The following FHOD3 variants were observed in gnomAD, a reference collection of about 807,000 sequenced individuals.
FHOD3 encodes FH1/FH2 domain-containing protein 3.
In FHOD3, 90 loss-of-function variants were observed where a neutral mutation model predicts 173.0. The ratio of observed to expected loss-of-function variants is 0.52; its 90% CI spans 0.44 to 0.62. The LOEUF (loss-of-function observed/expected upper bound fraction) is 0.62. FHOD3 is among the 20% of genes least tolerant of loss of function. FHOD3 has a pLI of 0.00. For synonymous variants in FHOD3, 828 were observed against 823.0 expected, an observed-to-expected ratio of 1.01 and a Z score of -0.10; for missense variants, 1,945 against 2,034.7, an observed-to-expected ratio of 0.96 and a Z score of 0.85.
At chr18:36,488,774 T>C (rs1166207228) in intron 3 of FHOD3, among the ~76,000 whole-genome samples, 2 of 152,190 alleles carry the variant, frequency 1.3e-5, no homozygotes, top group Admixed American at 6.5e-5. Context: ...AATGCAAATA[T>C]GGATTTAGGA....
At chr18:36,664,543 G>A (rs183801995) in intron 14 of FHOD3, among the ~76,000 whole-genome samples, 13 of 152,244 alleles carry the variant, frequency 8.5e-5, no homozygotes, top group African/African-American at 3.1e-4. Context: ...GCTAATGGTA[G>A]GTTCACAAAG....
chr18:36,340,123 G>A (rs2045537906), intron 1 of FHOD3, among the ~76,000 whole-genome samples: 1 of 152,042 alleles, frequency 6.6e-6, no homozygotes, highest in African/African-American at 2.4e-5. Flanking sequence ...TGAACAACAG[G>A]GATTTTTAAA....
At chr18:36,777,006 G>A (rs1041925300) in intron 28 of FHOD3, among the ~76,000 whole-genome samples, 42 of 152,116 alleles carry the variant, frequency 2.8e-4, no homozygotes, top group Non-Finnish European at 5.0e-4. Context: ...AAGCAAATGT[G>A]CAAACAGAAT....
intron 3 of FHOD3, among the ~76,000 whole-genome samples, chr18:36,456,862 G>A (rs932616529): frequency 6.6e-6 from 1 of 152,130 alleles, no homozygotes; most frequent in Non-Finnish European, 1.5e-5. Flanking sequence ...GCCATTTAGT[G>A]CTGACTAAGT....
At chr18:36,631,283 G>A in intron 10 of FHOD3, among the ~76,000 whole-genome samples, 1 of 152,204 alleles carries the variant, frequency 6.6e-6, no homozygotes, top group East Asian at 1.9e-4. Flanking sequence ...GTGGTCTTGG[G>A]CATAGGATGT....
Position 36,708,171 on chromosome 18 carries a change from A to G in FHOD3, c.2237-924A>G, listed in dbSNP as rs915044393. 1.3e-5 allele frequency among the ~76,000 whole-genome samples: 2 copies of G among 152,194 alleles called. 1 individual carries two copies. Among genetic ancestry groups the G allele is most frequent in the African/African-American group, 4.8e-5 (2 of 41,452 alleles). ...ACACGAGTGAGAACATGATCATCTTACCTCAGTGACAGCATCAAATCTCCA... is the reference window on the plus strand; with the variant it reads ...ACACGAGTGAGAACATGATCATCTTGCCTCAGTGACAGCATCAAATCTCCA... On this transcript the variant is annotated intron_variant, in intron 17 of 28. Coordinates refer to ENST00000590592, the MANE Select transcript of FHOD3 (RefSeq NM_001281740.3).
At chr18:36,580,699 G>A (rs2058819211) in intron 6 of FHOD3, among the ~76,000 whole-genome samples, 1 of 152,218 alleles carries the variant, frequency 6.6e-6, no homozygotes. Flanking sequence ...ATGAGAAATT[G>A]AAAAGAACAA....
At position 36,447,799 on chromosome 18, in the gene FHOD3, G is replaced by C. The variant is rs2051584042; in HGVS notation, c.338-54133G>C. Reference sequence around the variant, plus strand: ...TATCATGTAATTGTTAACATTAATAGTGTAGCGACCTGGAAAAGGGCTGTT... The same window carrying C: ...TATCATGTAATTGTTAACATTAATACTGTAGCGACCTGGAAAAGGGCTGTT... On this transcript the variant is annotated intron_variant, in intron 3 of 28. Coordinates refer to ENST00000590592, the MANE Select transcript of FHOD3 (RefSeq NM_001281740.3). Among the ~76,000 whole-genome samples the C allele has an allele frequency of 3.3e-5, 5 of 152,196 alleles. No individual in the cohort carries two copies. The South Asian group carries it at 1.0e-3, about 32-fold the overall frequency.
intron 6 of FHOD3, among the ~76,000 whole-genome samples, chr18:36,592,381 C>CA: frequency 6.6e-6 from 1 of 152,316 alleles, no homozygotes; most frequent in Non-Finnish European, 1.5e-5. Flanking sequence ...AAGGAATAAC[C>CA]AGTGAGAAGA....
At chr18:36,466,536 G>C (rs1248885641) in intron 3 of FHOD3, among the ~76,000 whole-genome samples, 1 of 152,142 alleles carries the variant, frequency 6.6e-6, no homozygotes, top group Non-Finnish European at 1.5e-5. Flanking sequence ...TAAATGGGGG[G>C]AATATCTTGA....
At chr18:36,593,134 A>G (rs181194125) in intron 6 of FHOD3, among the ~76,000 whole-genome samples, 2 of 152,304 alleles carry the variant, frequency 1.3e-5, no homozygotes, top group East Asian at 1.9e-4. Flanking sequence ...TTTTGGAGAG[A>G]GCAGTTAGTT....
intron 3 of FHOD3, among the ~76,000 whole-genome samples, chr18:36,409,009 G>T (rs780860542): frequency 6.6e-6 from 1 of 152,158 alleles, no homozygotes; most frequent in Non-Finnish European, 1.5e-5. Flanking sequence ...GAGAGCATCA[G>T]TGACTCCACA....
chr18:36,305,575 C>T (rs905111970), intron 1 of FHOD3, among the ~76,000 whole-genome samples: 3 of 152,176 alleles, frequency 2.0e-5, no homozygotes, highest in Admixed American at 1.3e-4. Flanking sequence ...GTGTGTGGGA[C>T]AAGCCCAAGA....
intron 4 of FHOD3, 35 bp from the exon 5 acceptor site, chr18:36,512,403 A>C (rs955384217): frequency 8.2e-6 from 12 of 1,471,336 alleles, no homozygotes; most frequent in Non-Finnish European, 1.1e-5. Context: ...GGACAGGGAC[A>C]GTATTTGAAG....
intron 14 of FHOD3, among the ~76,000 whole-genome samples, chr18:36,674,106 G>A (rs1008104859): frequency 2.6e-5 from 4 of 152,300 alleles, no homozygotes; most frequent in Admixed American, 2.0e-4. Flanking sequence ...AGGAAGGAAA[G>A]TCAAAAATTC....
At chr18:36,411,940 C>T (rs577704318) in intron 3 of FHOD3, among the ~76,000 whole-genome samples, 1 of 152,362 alleles carries the variant, frequency 6.6e-6, no homozygotes, top group Admixed American at 6.5e-5. Flanking sequence ...CCTTTCTTCT[C>T]TCACCTACAA....
At chr18:36,749,095 A>C (rs2042291441) in intron 24 of FHOD3, among the ~76,000 whole-genome samples, 1 of 152,194 alleles carries the variant, frequency 6.6e-6, no homozygotes, top group African/African-American at 2.4e-5. Context: ...AAAAAGTTTC[A>C]AAAGGTGTCT....
chr18:36,327,335 A>C (rs751248376), intron 1 of FHOD3, among the ~76,000 whole-genome samples: 1 of 152,260 alleles, frequency 6.6e-6, no homozygotes, highest in Non-Finnish European at 1.5e-5. Flanking sequence ...CTTGGAATGC[A>C]GTAAATTCTT....
intron 1 of FHOD3, among the ~76,000 whole-genome samples, chr18:36,322,124 G>T (rs1457380442): frequency 6.6e-6 from 1 of 152,188 alleles, no homozygotes; most frequent in Non-Finnish European, 1.5e-5. Context: ...TGGAGGGTGG[G>T]TTGGAAGGGT....
Sources: gnomAD v4.1 joint callset for allele counts (sites outside exome capture counted in the v4.1 genomes callset) on GRCh38, gnomAD v4.1.1 for gene constraint, MANE v1.5 for transcripts, NCBI Gene and HGNC (gene_info 2026-07-23, HGNC 2026-07-21) for gene names.